ACTR1A: variants seen among roughly 807,000 people sequenced by gnomAD.
ACTR1A encodes actin related protein 1A, also known as alpha-centractin.
Under a neutral mutation model 50.7 loss-of-function variants are expected in ACTR1A, and 10 were observed. The observed-to-expected ratio is 0.20, with a 90% CI of 0.12 to 0.33. ACTR1A has a LOEUF of 0.33. Among genes scored for constraint, ACTR1A ranks in the 10% least tolerant of loss-of-function variants. The pLI, the probability that ACTR1A is intolerant of heterozygous loss-of-function variation, is 1.00. For synonymous variants in ACTR1A, 177 were observed against 184.2 expected (o/e 0.96, Z 0.32); for missense variants, 253 against 491.7 (o/e 0.51, Z 4.59).
intron 5 of ACTR1A, 104 bp from the exon 6 acceptor site, chr10:102,484,480 C>A: frequency 1.0e-6 from 1 of 1,004,542 alleles, no homozygotes; most frequent in Non-Finnish European, 1.5e-6. Context: ...AAGCTTGGGC[C>A]TGCCTCTCTC....
chr10:102,481,512 G>A (rs1002806015), intron 9 of ACTR1A, among the ~76,000 whole-genome samples: 1 of 152,176 alleles, frequency 6.6e-6, no homozygotes, highest in African/African-American at 2.4e-5. Flanking sequence ...GAGCCACCTG[G>A]GCAGGGGGCA....
intron 4 of ACTR1A, among the ~76,000 whole-genome samples, chr10:102,485,944 G>A (rs1225554409): frequency 2.0e-5 from 3 of 151,976 alleles, no homozygotes; most frequent in African/African-American, 4.8e-5. Flanking sequence ...ATTTCATTCT[G>A]TCCTCAGCTG....
chr10:102,482,195 C>G lies in ACTR1A; in HGVS notation c.751-20G>C. The G allele has an allele frequency of 6.2e-7, 1 of 1,608,148 alleles. No individual in the cohort carries two copies. The highest frequency in any genetic ancestry group is 8.5e-7 in the Non-Finnish European group (1 of 1,179,852). Reference sequence around the variant, plus strand: ...ACCAATCTGCAGGTAGGAGGGCCAGCTGAAGAGGTCGGAGCTGGGACCAAG... The same window carrying G: ...ACCAATCTGCAGGTAGGAGGGCCAGGTGAAGAGGTCGGAGCTGGGACCAAG... On this transcript the variant is annotated intron_variant, in intron 7 of 10. Coordinates refer to ENST00000369905, the MANE Select transcript of ACTR1A (RefSeq NM_005736.4). This position sits in a 1 kb window ranked among gnomAD's most constrained non-coding sequence, Gnocchi z 5.6.
intron 1 of ACTR1A, among the ~76,000 whole-genome samples, chr10:102,494,738 T>C (rs541913880): frequency 2.6e-5 from 4 of 152,156 alleles, no homozygotes; most frequent in Non-Finnish European, 5.9e-5. Flanking sequence ...GGAGGATTGC[T>C]TGAGGCCAAG....
At chr10:102,492,779 G>C (rs954475492) in intron 1 of ACTR1A, among the ~76,000 whole-genome samples, 1 of 152,050 alleles carries the variant, frequency 6.6e-6, no homozygotes, top group African/African-American at 2.4e-5. Context: ...AAGCGGGGCA[G>C]ATCACATGAG....
chr10:102,502,371 C>G (rs989897705), intron 1 of ACTR1A, among the ~76,000 whole-genome samples: 1 of 152,260 alleles, frequency 6.6e-6, no homozygotes, highest in African/African-American at 2.4e-5. Context: ...CTGGCTTGGA[C>G]TATAACTCTT....
Position 102,480,608 on chromosome 10 carries a change from A to T in ACTR1A, c.*255T>A. ...CAGAGGCCACCTGAGGAGGGAGCAC[A>T]GCCTCTGCCAGCGCTCTTCCCTGTC... On this transcript the variant is annotated 3_prime_UTR_variant, in exon 11 of 11. Transcript: ENST00000369905. 1 of 533,446 alleles carries T rather than the reference A, an allele frequency of 1.9e-6. No homozygotes were observed. The highest frequency in any genetic ancestry group is 3.2e-5 in the Admixed American group (1 of 31,320). 33.0% of individuals were successfully genotyped at this position (533,446 alleles called of 1,614,324 possible).
intron 1 of ACTR1A, among the ~76,000 whole-genome samples, chr10:102,494,423 G>A (rs898841488): frequency 5.3e-5 from 8 of 152,064 alleles, no homozygotes; most frequent in Non-Finnish European, 1.0e-4. Flanking sequence ...GCCTGAGCCC[G>A]GGAGGTCGAG....
At position 102,482,072 on chromosome 10, in the gene ACTR1A, T is replaced by C; in HGVS notation, c.854A>G (p.Lys285Arg). The change falls in exon 8 of 11, where the codon AAG becomes AGG. Residue 285 changes from lysine (K) to arginine (R), a missense_variant. Transcript: ENST00000369905. The surrounding 1 kb of genome is among the most constrained non-coding windows in gnomAD (Gnocchi z 5.6). Reference sequence around the variant, plus strand: ...CGTGCGCCGCAGGTCCATGTCTGACTTCTGAATGGCGAACACCAGGACCTC... The same window carrying C: ...CGTGCGCCGCAGGTCCATGTCTGACCTCTGAATGGCGAACACCAGGACCTC... ...IHEVLVFAIQ[K>R]SDMDLRRTLF... 1 of 1,614,204 alleles carries C rather than the reference T, an allele frequency of 6.2e-7. No individual in the cohort carries two copies. The highest frequency in any genetic ancestry group is 8.5e-7 in the Non-Finnish European group (1 of 1,180,044).
At chr10:102,501,367 T>C (rs2062250641) in intron 1 of ACTR1A, among the ~76,000 whole-genome samples, 1 of 152,156 alleles carries the variant, frequency 6.6e-6, no homozygotes, top group African/African-American at 2.4e-5. Context: ...CATTGTAATA[T>C]GCCTAAGGTC....
chr10:102,499,531 C>T (rs887081500), intron 1 of ACTR1A, among the ~76,000 whole-genome samples: 12 of 152,058 alleles, frequency 7.9e-5, no homozygotes, highest in African/African-American at 2.2e-4. Flanking sequence ...TAATGCATTT[C>T]GAAACATACT....
In ACTR1A at chr10:102,488,387, G is replaced by A. The variant is rs2062178835; in HGVS notation, c.190-112C>T. The stretch of plus-strand genomic sequence containing the variant: ...CCTTGCAAAGAAGCCTCAGCTTCCT[G>A]AGCTTCCACCCTGCTGTCCTTGCCC... On this transcript the variant is annotated intron_variant, in intron 3 of 10. Transcript: ENST00000369905. The surrounding 1 kb of genome is among the most constrained non-coding windows in gnomAD (Gnocchi z 4.4). 2 of 1,463,226 alleles carry A rather than the reference G, an allele frequency of 1.4e-6. No homozygotes were observed. The highest frequency in any genetic ancestry group is 1.4e-5 in the African/African-American group (1 of 71,962). The allele number at this position is 1,463,226 out of a possible 1,614,324, so 90.6% of individuals were successfully genotyped here.
chr10:102,498,044 T>C (rs981971730), intron 1 of ACTR1A, among the ~76,000 whole-genome samples: 2 of 151,474 alleles, frequency 1.3e-5, no homozygotes. Flanking sequence ...TGAGCTTTGA[T>C]TGTGCCAATG....
intron 4 of ACTR1A, among the ~76,000 whole-genome samples, chr10:102,486,826 C>T (rs1365016793): frequency 6.6e-6 from 1 of 150,958 alleles, no homozygotes; most frequent in Non-Finnish European, 1.5e-5. Flanking sequence ...CACTCTGTCA[C>T]CAGGCTGCGA....
At position 102,485,728 on chromosome 10, in the gene ACTR1A, A is replaced by G; in HGVS notation, c.321T>C (p.Pro107=). Residue 107 remains proline (P), a synonymous_variant, in exon 5 of 11, where the codon CCT becomes CCC. Coordinates refer to ENST00000369905, the MANE Select transcript of ACTR1A (RefSeq NM_005736.4). ...TTAAAGGCGCCTCAGTCAGGAGCAC[A>G]GGATGCTGGTGAAAGGAGCCCGGGA... is the stretch of plus-strand genomic sequence containing the variant. ...DQLQTFSEEH[P]VLLTEAPLNP... 5.0e-6 allele frequency: 8 copies of G among 1,614,034 alleles called. No homozygotes were observed. The highest frequency in any genetic ancestry group is 6.8e-6 in the Non-Finnish European group (8 of 1,180,018).
At chr10:102,489,809 A>G (rs4919646) in intron 2 of ACTR1A, among the ~76,000 whole-genome samples, 152,090 of 152,352 alleles carry the variant, frequency 1, 75,915 homozygotes, top group South Asian at 1. Flanking sequence ...ATGAGACTCC[A>G]TCTCAGAAAA....
intron 1 of ACTR1A, among the ~76,000 whole-genome samples, chr10:102,500,600 C>CAAAA (rs201678942): frequency 0.13 from 16,455 of 130,686 alleles, 2,641 homozygotes; most frequent in South Asian, 0.25. Context: ...AACAAACAAA[C>CAAAA]AAACAAAAAT....
At chr10:102,496,263 G>C (rs1041861696) in intron 1 of ACTR1A, among the ~76,000 whole-genome samples, 3 of 152,216 alleles carry the variant, frequency 2.0e-5, no homozygotes, top group Non-Finnish European at 4.4e-5. Context: ...GGATAGAAAG[G>C]AGAATCAGTT....
In ACTR1A at chr10:102,489,099, G is replaced by T. The variant is rs145976767; in HGVS notation, c.153C>A (p.Ala51=). The T allele has an allele frequency of 6.3e-7, 1 of 1,589,564 alleles. No homozygotes were observed. The highest frequency in any genetic ancestry group is 1.1e-5 in the South Asian group (1 of 87,868). The change falls in exon 3 of 11, where the codon GCC becomes GCA. Residue 51 remains alanine (A), a synonymous_variant. Coordinates refer to ENST00000369905, the MANE Select transcript of ACTR1A (RefSeq NM_005736.4). ...GGCCAATGAAGATGTCGCCTTCAAG[G>T]GCTCCTGCCATGACACGAACGTGCT... is the stretch of plus-strand genomic sequence containing the variant. ...RPKHVRVMAG[A]LEGDIFIGPK...
Sources: gnomAD v4.1 joint callset for allele counts (sites outside exome capture counted in the v4.1 genomes callset) on GRCh38, gnomAD v4.1.1 for gene constraint, Gnocchi (gnomAD v3.1) non-coding constraint, MANE v1.5 for transcripts, NCBI Gene and HGNC (gene_info 2026-07-23, HGNC 2026-07-21) for gene names.